The following EFNA5 variants were observed in gnomAD, a reference collection of about 807,000 sequenced individuals.
The protein encoded by EFNA5 is ephrin A5, also known as ephrin-A5.
A neutral mutation model predicts 22.9 loss-of-function variants in EFNA5; 5 were observed. That is an observed-to-expected ratio of 0.22 (90% CI 0.11 to 0.46). The LOEUF (loss-of-function observed/expected upper bound fraction) is 0.46. Among genes scored for constraint, EFNA5 ranks in the 20% least tolerant of loss-of-function variants. EFNA5 has a pLI of 0.99. For synonymous variants in EFNA5, 113 were observed against 112.2 expected (o/e 1.01, Z -0.04); for missense variants, 237 against 293.3 (o/e 0.81, Z 1.40).
At chr5:107,609,820 A>G (rs746488716) in intron 1 of EFNA5, among the ~76,000 whole-genome samples, 11 of 152,206 alleles carry the variant, frequency 7.2e-5, no homozygotes, top group Non-Finnish European at 1.2e-4. Context: ...GCCGACTAGA[A>G]TAAGATGACT....
chr5:107,388,419 T>A (rs1319467160), intron 2 of EFNA5: 2 of 152,168 alleles, frequency 1.3e-5, no homozygotes, highest in African/African-American at 4.8e-5. Context: ...AGTACTATGT[T>A]GCAACGGTAC....
chr5:107,654,913 C>G (rs1369749128), intron 1 of EFNA5, among the ~76,000 whole-genome samples: 1 of 151,894 alleles, frequency 6.6e-6, no homozygotes, highest in African/African-American at 2.4e-5. Flanking sequence ...TTAATAAAAG[C>G]TGAATAATTA....
At position 107,379,980 on chromosome 5, in the gene EFNA5, T is replaced by G. The variant is rs1747393883; in HGVS notation, c.*1275A>C. ...CCCACAGATAAACACATGTTCCCCC[T>G]ACGCTTTAGGCTGTGTCAGAAAGGG... is the stretch of plus-strand genomic sequence containing the variant. On this transcript the variant is annotated 3_prime_UTR_variant, in exon 5 of 5. Transcript: ENST00000333274. The G allele has an allele frequency of 6.6e-6, 1 of 152,196 alleles. No individual in the cohort carries two copies. The highest frequency in any genetic ancestry group is 1.5e-5 in the Non-Finnish European group (1 of 68,038). The allele number at this position is 152,196 out of a possible 1,614,324, so 9.4% of individuals were successfully genotyped here. A position where few individuals can be genotyped will look rare whatever the true frequency, so the allele number is the denominator to read the frequency against.
At chr5:107,639,907 G>T (rs1750467657) in intron 1 of EFNA5, among the ~76,000 whole-genome samples, 1 of 152,094 alleles carries the variant, frequency 6.6e-6, no homozygotes, top group Admixed American at 6.5e-5. Flanking sequence ...CTGCACCCTA[G>T]AGATATACTA....
intron 1 of EFNA5, among the ~76,000 whole-genome samples, chr5:107,466,186 C>T (rs1324734655): frequency 1.3e-5 from 2 of 152,154 alleles, no homozygotes; most frequent in Non-Finnish European, 1.5e-5. Flanking sequence ...TCTGCCACTG[C>T]ACTGCCAAAG....
chr5:107,436,362 A>G (rs976507957), intron 1 of EFNA5, among the ~76,000 whole-genome samples: 2 of 152,310 alleles, frequency 1.3e-5, no homozygotes, highest in Non-Finnish European at 2.9e-5. Flanking sequence ...TAAGCCCCCA[A>G]AGAGGCCTCG....
At chr5:107,575,180 G>C (rs762402318) in intron 1 of EFNA5, among the ~76,000 whole-genome samples, 3 of 152,214 alleles carry the variant, frequency 2.0e-5, no homozygotes, top group Non-Finnish European at 4.4e-5. Flanking sequence ...AGATCCAAGA[G>C]GTGAAAAGCA....
chr5:107,482,870 CTATATATATA>C (rs72399506), intron 1 of EFNA5, among the ~76,000 whole-genome samples: 35 of 59,110 alleles, frequency 5.9e-4, no homozygotes, highest in South Asian at 3.0e-3. Context: ...CTCTCTCTCT[CTATATATATA>C]TATATATATA....
chr5:107,570,395 C>T lies in EFNA5; in HGVS notation c.125+100094G>A, dbSNP rs1360635978. 2.6e-5 allele frequency among the ~76,000 whole-genome samples: 4 copies of T among 152,214 alleles called. No individual in the cohort carries two copies. The East Asian group carries it at 5.8e-4, about 22-fold the overall frequency. On this transcript the variant is annotated intron_variant, in intron 1 of 4. Coordinates refer to ENST00000333274, the MANE Select transcript of EFNA5 (RefSeq NM_001962.3). ...GCCTTTATCAAGGGAACATGCTGAGCAAATGGGATCAAATGATGCCTTGGC... is the reference window on the plus strand; with the variant it reads ...GCCTTTATCAAGGGAACATGCTGAGTAAATGGGATCAAATGATGCCTTGGC...
At chr5:107,561,211 T>C (rs1237320150) in intron 1 of EFNA5, among the ~76,000 whole-genome samples, 1 of 152,118 alleles carries the variant, frequency 6.6e-6, no homozygotes, top group Non-Finnish European at 1.5e-5. Context: ...GAATTAACAA[T>C]TTAAAGCCAT....
chr5:107,633,580 C>T (rs553690884), intron 1 of EFNA5, among the ~76,000 whole-genome samples: 1 of 152,292 alleles, frequency 6.6e-6, no homozygotes, highest in Non-Finnish European at 1.5e-5. Flanking sequence ...CAGGGGCTGG[C>T]CAGGCAGTGT....
intron 1 of EFNA5, among the ~76,000 whole-genome samples, chr5:107,527,897 C>T (rs1211639934): frequency 1.3e-5 from 2 of 152,100 alleles, no homozygotes; most frequent in Admixed American, 6.6e-5. Context: ...TTCTCCTCCC[C>T]CTCAGTACAT....
At chr5:107,658,453 A>G (rs1450067543) in intron 1 of EFNA5, among the ~76,000 whole-genome samples, 1 of 152,210 alleles carries the variant, frequency 6.6e-6, no homozygotes, top group Non-Finnish European at 1.5e-5. Flanking sequence ...ATTTTCAATG[A>G]AGCATAAACT....
chr5:107,463,653 T>G (rs1185857012), intron 1 of EFNA5, among the ~76,000 whole-genome samples: 1 of 152,202 alleles, frequency 6.6e-6, no homozygotes, highest in Non-Finnish European at 1.5e-5. Context: ...TCTGATAATG[T>G]AAATTCAGGG....
chr5:107,657,999 T>C (rs938847667), intron 1 of EFNA5, among the ~76,000 whole-genome samples: 10 of 152,164 alleles, frequency 6.6e-5, no homozygotes, highest in African/African-American at 1.9e-4. Flanking sequence ...GCAGATCTTA[T>C]ATTACCTAGA....
intron 1 of EFNA5, among the ~76,000 whole-genome samples, chr5:107,568,069 A>AT (rs980152568): frequency 2.6e-5 from 4 of 151,442 alleles, no homozygotes; most frequent in African/African-American, 9.7e-5. Flanking sequence ...GCTCGTTTTA[A>AT]TTTTTTTTGT....
At chr5:107,664,966 T>C (rs1439413549) in intron 1 of EFNA5, among the ~76,000 whole-genome samples, 2 of 152,190 alleles carry the variant, frequency 1.3e-5, no homozygotes, top group Non-Finnish European at 2.9e-5. Context: ...ATGAGGAAGG[T>C]TGAGTGGTAT....
In EFNA5 at chr5:107,377,410, A is replaced by T. The variant is rs928453646; in HGVS notation, c.*3845T>A. ...CACACAAAAAATAAACATACTAAGTAAAAGGGGGGTGGTGTAGGCAAACGG... is the reference window on the plus strand; with the variant it reads ...CACACAAAAAATAAACATACTAAGTTAAAGGGGGGTGGTGTAGGCAAACGG... On this transcript the variant is annotated 3_prime_UTR_variant, in exon 5 of 5. Coordinates refer to ENST00000333274, the MANE Select transcript of EFNA5 (RefSeq NM_001962.3). 2 of 152,136 alleles carry T rather than the reference A, an allele frequency of 1.3e-5. No individual in the cohort carries two copies. The highest frequency in any genetic ancestry group is 4.8e-5 in the African/African-American group (2 of 41,514). The allele number at this position is 152,136 out of a possible 1,614,324, so 9.4% of individuals were successfully genotyped here.
At chr5:107,443,157 T>C (rs1039278374) in intron 1 of EFNA5, among the ~76,000 whole-genome samples, 3 of 152,166 alleles carry the variant, frequency 2.0e-5, no homozygotes, top group African/African-American at 7.2e-5. Context: ...CACAAATGAT[T>C]AGGATGCTGT....
Sources: allele counts gnomAD v4.1 joint callset (sites outside exome capture counted in the v4.1 genomes callset), GRCh38; gene constraint gnomAD v4.1.1; transcripts MANE v1.5; gene names NCBI Gene and HGNC (gene_info 2026-07-23, HGNC 2026-07-21).